NUMB: variants seen among roughly 807,000 people sequenced by gnomAD.
NUMB encodes the protein protein numb homolog.
NUMB carries 29 observed loss-of-function variants against 59.7 expected under a neutral mutation model. The observed-to-expected ratio is 0.49, with a 90% confidence interval of 0.36 to 0.66. The LOEUF is 0.66. Among genes scored for constraint, NUMB ranks in the 30% least tolerant of loss-of-function variants. The probability of loss-of-function intolerance (pLI) is 0.00; values close to 1 mark genes in which losing one functional copy is unlikely to be tolerated. For synonymous variants in NUMB, 288 were observed against 288.2 expected, an observed-to-expected ratio of 1.00 and a Z score of 0.01; for missense variants, 723 against 822.0, an observed-to-expected ratio of 0.88 and a Z score of 1.47.
chr14:73,312,222 T>C (rs1448194437), intron 6 of NUMB, among the ~76,000 whole-genome samples: 1 of 151,962 alleles, frequency 6.6e-6, no homozygotes, highest in African/African-American at 2.4e-5. Flanking sequence ...GGTGAAACCC[T>C]GTCTCTACTA....
At chr14:73,343,021 T>C (rs1013296287) in intron 4 of NUMB, among the ~76,000 whole-genome samples, 3 of 151,048 alleles carry the variant, frequency 2.0e-5, no homozygotes, top group African/African-American at 7.3e-5. Context: ...TTTGTAAAGA[T>C]GGAGTCTCCC....
intron 1 of NUMB, among the ~76,000 whole-genome samples, chr14:73,441,519 G>A (rs892249333): frequency 6.6e-6 from 1 of 151,872 alleles, no homozygotes; most frequent in African/African-American, 2.4e-5. Flanking sequence ...CTGGGCAACA[G>A]AGCAAGACTC....
At chr14:73,320,753 G>A (rs1429478620) in intron 5 of NUMB, among the ~76,000 whole-genome samples, 4 of 151,694 alleles carry the variant, frequency 2.6e-5, no homozygotes, top group African/African-American at 7.3e-5. Context: ...CCATGCATAG[G>A]TATAATTTTT....
chr14:73,354,510 C>CAA (rs780721035), intron 4 of NUMB, among the ~76,000 whole-genome samples: 2 of 78,060 alleles, frequency 2.6e-5, no homozygotes, highest in African/African-American at 4.2e-5. Context: ...GACTCCATCT[C>CAA]AAAAAAAAAA....
At chr14:73,364,447 T>C (rs1266529332) in intron 3 of NUMB, among the ~76,000 whole-genome samples, 2 of 152,046 alleles carry the variant, frequency 1.3e-5, no homozygotes, top group Non-Finnish European at 2.9e-5. Context: ...GAGGTTGCAG[T>C]GGGCTGAGAT....
At chr14:73,407,438 TCAAAA>T (rs1444094458) in intron 2 of NUMB, among the ~76,000 whole-genome samples, 2 of 152,088 alleles carry the variant, frequency 1.3e-5, no homozygotes, top group African/African-American at 4.8e-5. Context: ...AGACCCTGTC[TCAAAA>T]CAAAACAAAA....
intron 2 of NUMB, among the ~76,000 whole-genome samples, chr14:73,408,976 C>T (rs1896797129): frequency 6.6e-6 from 1 of 151,880 alleles, no homozygotes; most frequent in East Asian, 1.9e-4. Context: ...TCCTCTACTA[C>T]ACAAGAACAC....
intron 4 of NUMB, among the ~76,000 whole-genome samples, chr14:73,329,803 T>C (rs559062222): frequency 6.6e-6 from 1 of 152,358 alleles, no homozygotes; most frequent in East Asian, 1.9e-4. Flanking sequence ...ACTTATCTTG[T>C]GACTCAGTAG....
chr14:73,279,456 T>TA (rs773098829), intron 11 of NUMB, 32 bp from the exon 12 acceptor site: 111 of 1,548,756 alleles, frequency 7.2e-5, no homozygotes, highest in Non-Finnish European at 9.2e-5. Context: ...TCAATGGAGT[T>TA]AATTCATGCA....
intron 4 of NUMB, among the ~76,000 whole-genome samples, chr14:73,331,441 G>A (rs1321215233): frequency 2.0e-5 from 3 of 152,172 alleles, no homozygotes; most frequent in Non-Finnish European, 2.9e-5. Flanking sequence ...CCAGCTACTC[G>A]GGAGGCTGAG....
intron 1 of NUMB, among the ~76,000 whole-genome samples, chr14:73,439,661 C>T (rs1882878379): frequency 6.6e-6 from 1 of 151,942 alleles, no homozygotes; most frequent in Non-Finnish European, 1.5e-5. Context: ...AAAAATAAAA[C>T]CTTTACATGT....
At chr14:73,431,376 C>G (rs1302463868) in intron 1 of NUMB, among the ~76,000 whole-genome samples, 1 of 151,592 alleles carries the variant, frequency 6.6e-6, no homozygotes, top group African/African-American at 2.4e-5. Context: ...GTGCTTTGGC[C>G]TCCCTAGTAG....
At chr14:73,293,872 T>TA (rs1180353232) in intron 7 of NUMB, among the ~76,000 whole-genome samples, 6 of 152,254 alleles carry the variant, frequency 3.9e-5, no homozygotes, top group Non-Finnish European at 7.3e-5. Flanking sequence ...GGTGATGCTA[T>TA]AAACACAAAA....
intron 4 of NUMB, among the ~76,000 whole-genome samples, chr14:73,345,099 AT>A (rs1892837683): frequency 6.6e-6 from 1 of 152,260 alleles, no homozygotes; most frequent in Non-Finnish European, 1.5e-5. Flanking sequence ...ATCAACGTAG[AT>A]GCCCATCAGT....
At chr14:73,445,975 T>C (rs1297447325) in intron 1 of NUMB, among the ~76,000 whole-genome samples, 1 of 151,740 alleles carries the variant, frequency 6.6e-6, no homozygotes, top group Non-Finnish European at 1.5e-5. Context: ...AGAAATGAAA[T>C]TTAATATTGC....
rs143623991 is a variant in NUMB at position 73,377,457 on chromosome 14, A to T, written c.-100-10476T>A. On this transcript the variant is annotated intron_variant, in intron 2 of 12. Transcript: ENST00000555238. ...AGAGTTCGAGACCAGCCTGGCCAAC[A>T]TGATGAAACCCATCTCTACTAAAAA... is the stretch of plus-strand genomic sequence containing the variant. Among the ~76,000 whole-genome samples the T allele has an allele frequency of 3.9e-3, 599 of 152,120 alleles. 2 individuals carry two copies. The highest frequency in any genetic ancestry group is 0.014 in the African/African-American group (570 of 41,490).
At chr14:73,382,196 G>C (rs1895275861) in intron 2 of NUMB, among the ~76,000 whole-genome samples, 1 of 152,144 alleles carries the variant, frequency 6.6e-6, no homozygotes, top group South Asian at 2.1e-4. Flanking sequence ...GCCCAGGCTG[G>C]AGTGCAATGG....
At chr14:73,385,791 C>T (rs1393431796) in intron 2 of NUMB, among the ~76,000 whole-genome samples, 3 of 152,072 alleles carry the variant, frequency 2.0e-5, no homozygotes, top group South Asian at 2.1e-4. Flanking sequence ...CATGAGCCAT[C>T]GTGCCTGCCC....
At chr14:73,340,516 C>A (rs150934221) in intron 4 of NUMB, among the ~76,000 whole-genome samples, 76 of 152,160 alleles carry the variant, frequency 5.0e-4, no homozygotes, top group Non-Finnish European at 3.4e-4. Flanking sequence ...TAGTCTAATA[C>A]CCACTAGGAT....
Sources: allele counts gnomAD v4.1 joint callset (sites outside exome capture counted in the v4.1 genomes callset), GRCh38; gene constraint gnomAD v4.1.1; transcripts MANE v1.5; gene names NCBI Gene and HGNC (gene_info 2026-07-23, HGNC 2026-07-21).